Variants in CP observed in about 807,000 individuals in gnomAD.
CP encodes ceruloplasmin.
In CP, 64 loss-of-function variants were observed where a neutral mutation model predicts 122.4. The observed-to-expected ratio is 0.52, with a 90% CI of 0.43 to 0.64. CP has a LOEUF of 0.64. Ranked by LOEUF, CP falls within the 30% of genes least tolerant of loss-of-function variation. CP has a pLI of 0.00. For missense variants in CP, 1,167 were observed against 1,284.4 expected (o/e 0.91, Z 1.40); for synonymous variants, 440 against 436.4 (o/e 1.01, Z -0.10).
At chr3:149,185,101 T>G in intron 12 of CP, 138 bp downstream of exon 12, 7 of 735,932 alleles carry the variant, frequency 9.5e-6, no homozygotes, top group South Asian at 1.7e-5. Context: ...TAGGAAGTGT[T>G]TTGTTGTTGT....
intron 9 of CP, among the ~76,000 whole-genome samples, chr3:149,192,960 A>G (rs1228306698): frequency 2.7e-5 from 4 of 146,080 alleles, no homozygotes; most frequent in African/African-American, 5.1e-5. Context: ...TAAGAAGTAC[A>G]TTTCATGTTG....
chr3:149,166,889 G>A (rs536339507), intron 4 of CP: 1 of 675,890 alleles, frequency 1.5e-6, no homozygotes, highest in South Asian at 1.6e-5. Context: ...TATTAAATAA[G>A]GACCACGTGC....
At chr3:149,213,733 G>A (rs1320564116) in intron 1 of CP, among the ~76,000 whole-genome samples, 1 of 151,882 alleles carries the variant, frequency 6.6e-6, no homozygotes, top group African/African-American at 2.4e-5. Context: ...ACATTTGTGG[G>A]GCCGAGTAAT....
chr3:149,186,592 C>T lies in CP; in HGVS notation c.2005G>A (p.Gly669Arg), dbSNP rs555339346. Residue 669 changes from glycine (G) to arginine (R), a missense_variant, in exon 11 of 19, where the codon GGA becomes AGA. Transcript: ENST00000264613. ...AGGTTTGCTGTGTCTCTCCGTTCTC[C>T]TCTCCACAGATATGTGTTTCCTGAA... ...YFSGNTYLWR[G>R]ERRDTANLFP... The T allele has an allele frequency of 7.4e-6, 12 of 1,614,192 alleles. No individual in the cohort carries two copies. Among genetic ancestry groups the T allele is most frequent in the Middle Eastern group, 1.6e-4 (1 of 6,062 alleles).
intron 9 of CP, among the ~76,000 whole-genome samples, chr3:149,193,194 A>G (rs925900593): frequency 2.6e-5 from 4 of 152,206 alleles, no homozygotes; most frequent in African/African-American, 9.6e-5. Context: ...TGACAAGCAC[A>G]TAAGTTGTGC....
intron 1 of CP, among the ~76,000 whole-genome samples, chr3:149,216,389 G>A (rs1728458097): frequency 6.6e-6 from 1 of 152,150 alleles, no homozygotes; most frequent in African/African-American, 2.4e-5. Flanking sequence ...CTGGCTATGG[G>A]CCGAGAGCCT....
chr3:149,213,195 C>G (rs1032022261), intron 1 of CP, among the ~76,000 whole-genome samples: 2 of 152,188 alleles, frequency 1.3e-5, no homozygotes, highest in South Asian at 4.1e-4. Context: ...ATTAATAAAG[C>G]TAAATTAATT....
intron 3 of CP, 57 bp downstream of exon 3, chr3:149,210,110 A>G: frequency 6.5e-7 from 1 of 1,543,474 alleles, no homozygotes; most frequent in Admixed American, 1.7e-5. Context: ...TTAAAAGACA[A>G]ACTGCCCTGC....
chr3:149,199,627 C>G (rs1727162763), intron 8 of CP, 85 bp downstream of exon 8: 2 of 1,535,434 alleles, frequency 1.3e-6, no homozygotes, highest in Admixed American at 3.3e-5. Flanking sequence ...GAGTTCCTGC[C>G]TTCAGTTTTT....
chr3:149,185,122 G>A (rs185476434), intron 12 of CP, 117 bp downstream of exon 12: 1 of 808,338 alleles, frequency 1.2e-6, no homozygotes, highest in Non-Finnish European at 2.1e-6. Flanking sequence ...TGTTGTTGTT[G>A]TTGTTATTGT....
intron 9 of CP, among the ~76,000 whole-genome samples, chr3:149,192,981 T>TACACAC (rs3070607): frequency 1.2e-3 from 183 of 148,798 alleles, no homozygotes; most frequent in Admixed American, 6.3e-3. Flanking sequence ...TGATCCTGTA[T>TACACAC]ACACACACAC....
At chr3:149,163,168 C>T (rs898016522) in intron 5 of CP, among the ~76,000 whole-genome samples, 2 of 152,186 alleles carry the variant, frequency 1.3e-5, no homozygotes, top group African/African-American at 4.8e-5. Context: ...CAGAACATCA[C>T]CTCATCTGTC....
rs564752594 is a variant in CP, at chr3:149,200,021, A to G, written c.1349-157T>C. 3 of 713,342 alleles carry G rather than the reference A, an allele frequency of 4.2e-6. No homozygotes were observed. In the African/African-American group the frequency reaches 5.2e-5, roughly 12 times the overall value. The allele number at this position is 713,342 out of a possible 1,614,324, so 44.2% of individuals were successfully genotyped here. On this transcript the variant is annotated intron_variant, in intron 7 of 18. Coordinates refer to ENST00000264613, the MANE Select transcript of CP (RefSeq NM_000096.4). ...AAGCTTGGTTTTTGAGAAGTCCATA[A>G]TCAATCTGATATGTCGAGGTTGGAA...
intron 12 of CP, among the ~76,000 whole-genome samples, chr3:149,184,008 C>CATTCCCTT (rs1475114952): frequency 7.1e-6 from 1 of 140,408 alleles, no homozygotes; most frequent in Non-Finnish European, 1.5e-5. Context: ...TTTTCCCAGG[C>CATTCCCTT]ATTCCCTTTT....
At position 149,212,465 on chromosome 3, in the gene CP, T is replaced by C. The variant is rs1728179398; in HGVS notation, c.380A>G (p.Tyr127Cys). The change falls in exon 2 of 19, where the codon TAT becomes TGT. Residue 127 changes from tyrosine to cysteine, a missense_variant. Physicochemically the swap from Tyr to Cys is radical, Grantham distance 194 (BLOSUM62 -2). Coordinates refer to ENST00000264613, the MANE Select transcript of CP (RefSeq NM_000096.4). ...GCTGAACTTACCCTCATGTTCCTTA[T>C]AGTAAGTTATTCCATGTGAATGAAA... ...YTFHSHGITY[Y>C]KEHEGAIYPD... 1.9e-6 allele frequency: 3 copies of C among 1,613,846 alleles called. No individual in the cohort carries two copies. The highest frequency in any genetic ancestry group is 1.3e-5 in the African/African-American group (1 of 74,910).
At chr3:149,186,384 C>T in intron 11 of CP, 136 bp downstream of exon 11, 2 of 808,160 alleles carry the variant, frequency 2.5e-6, no homozygotes, top group South Asian at 1.5e-5. Context: ...CCTAGACTTG[C>T]TCTTTCAAAG....
exon 5 of CP, chr3:149,166,002 G>A (rs961443379): frequency 1.5e-5 from 7 of 456,192 alleles, no homozygotes; most frequent in South Asian, 9.3e-5. Flanking sequence ...CACACTGACT[G>A]TGATTGGGTA....
intron 5 of CP, among the ~76,000 whole-genome samples, chr3:149,207,062 A>T (rs781230712): frequency 6.6e-6 from 1 of 152,198 alleles, no homozygotes; most frequent in African/African-American, 2.4e-5. Context: ...AGTGCAACAT[A>T]CAATTTTTCT....
chr3:149,210,289 G>T lies in CP; in HGVS notation c.485C>A (p.Thr162Asn). 1 of 1,614,046 alleles carries T rather than the reference G, an allele frequency of 6.2e-7. No homozygotes were observed. The highest frequency in any genetic ancestry group is 8.5e-7 in the Non-Finnish European group (1 of 1,179,946). The change falls in exon 3 of 19, where the codon ACT (threonine) becomes AAT (asparagine). Residue 162 changes from threonine (T) to asparagine (N), a missense_variant. Transcript: ENST00000264613. ...TCCTTCCCCAGGACTTTGTTCTTCA[G>T]TGGCAAGCAACATGTATGTATACTG... is the stretch of plus-strand genomic sequence containing the variant. ...GEQYTYMLLA[T>N]EEQSPGEGDG...
Sources: gnomAD v4.1 joint callset for allele counts (sites outside exome capture counted in the v4.1 genomes callset) on GRCh38, gnomAD v4.1.1 for gene constraint, MANE v1.5 for transcripts, NCBI Gene and HGNC (gene_info 2026-07-23, HGNC 2026-07-21) for gene names.